The following APBB2 variants were observed in gnomAD, a reference collection of about 807,000 sequenced individuals.
APBB2 encodes amyloid beta precursor protein binding family B member 2.
Under a neutral mutation model 82.5 loss-of-function variants are expected in APBB2, and 38 were observed. The ratio of observed to expected loss-of-function variants is 0.46; its 90% CI spans 0.36 to 0.60. The LOEUF is 0.60. Ranked by LOEUF, APBB2 falls within the 20% of genes least tolerant of loss-of-function variation. APBB2 has a pLI of 0.00. For synonymous variants in APBB2, 341 were observed against 368.2 expected (o/e 0.93, Z 0.85); for missense variants, 772 against 972.3 (o/e 0.79, Z 2.74).
In APBB2 at chr4:40,971,177, G is replaced by A. The variant is rs115905232; in HGVS notation, c.836-26104C>T. On this transcript the variant is annotated intron_variant, in intron 6 of 17. Transcript: ENST00000508593. The stretch of plus-strand genomic sequence containing the variant: ...CTGATAAACTCCAGCAAAACATAAC[G>A]GGGGCTATTAACACGATTCTTTCTT... 2.7e-3 allele frequency among the ~76,000 whole-genome samples: 409 copies of A among 152,210 alleles called. 3 individuals are homozygous for A. The highest frequency in any genetic ancestry group is 9.4e-3 in the African/African-American group (389 of 41,542).
intron 1 of APBB2, among the ~76,000 whole-genome samples, chr4:41,159,990 G>T (rs1450445463): frequency 2.7e-5 from 4 of 147,292 alleles, no homozygotes; most frequent in Admixed American, 6.7e-5. Flanking sequence ...AGAAGAAGAA[G>T]AAGAAGAAGA....
At chr4:40,882,041 TG>T (rs1768779743) in intron 12 of APBB2, among the ~76,000 whole-genome samples, 1 of 152,092 alleles carries the variant, frequency 6.6e-6, no homozygotes, top group African/African-American at 2.4e-5. Flanking sequence ...GCTGTGTGAG[TG>T]GCTGTCTCCT....
At chr4:41,025,362 G>A (rs1353944443) in intron 5 of APBB2, among the ~76,000 whole-genome samples, 1 of 152,008 alleles carries the variant, frequency 6.6e-6, no homozygotes, top group African/African-American at 2.4e-5. Context: ...AATAATAGAT[G>A]CTGGTGAGAT....
intron 12 of APBB2, chr4:40,857,165 GGCGCCCGCGCCTCCCT>G: frequency 1.0e-6 from 1 of 985,438 alleles, no homozygotes; most frequent in Non-Finnish European, 1.2e-6. Context: ...TGAAGAGAGC[GGCGCCCGCGCCTCCCT>G]GCGCCCTCCC....
At chr4:41,108,758 G>A (rs1748137052) in intron 2 of APBB2, among the ~76,000 whole-genome samples, 1 of 152,184 alleles carries the variant, frequency 6.6e-6, no homozygotes, top group Non-Finnish European at 1.5e-5. Context: ...ACAGCCTTCA[G>A]CAGTCCCTGA....
intron 12 of APBB2, among the ~76,000 whole-genome samples, chr4:40,872,379 C>A (rs1265433198): frequency 1.3e-5 from 2 of 152,166 alleles, no homozygotes; most frequent in Admixed American, 1.3e-4. Context: ...ACAGGTGGGA[C>A]CTGCACTAAG....
intron 3 of APBB2, among the ~76,000 whole-genome samples, chr4:41,072,527 A>G (rs1465018214): frequency 2.0e-5 from 3 of 152,204 alleles, no homozygotes; most frequent in Admixed American, 2.0e-4. Context: ...ACGAAACTTA[A>G]AATACCAAGC....
intron 4 of APBB2, among the ~76,000 whole-genome samples, chr4:41,048,436 C>CAT (rs1260027801): frequency 6.6e-6 from 1 of 152,160 alleles, no homozygotes; most frequent in Admixed American, 6.5e-5. Flanking sequence ...GTTAAGACTT[C>CAT]ATATATATTA....
At chr4:41,143,904 G>A (rs1353887347) in intron 1 of APBB2, among the ~76,000 whole-genome samples, 1 of 152,208 alleles carries the variant, frequency 6.6e-6, no homozygotes, top group Non-Finnish European at 1.5e-5. Flanking sequence ...CCAAACATGT[G>A]GCCTAGCCCA....
intron 12 of APBB2, among the ~76,000 whole-genome samples, chr4:40,851,478 C>G (rs1038975870): frequency 6.6e-6 from 1 of 152,090 alleles, no homozygotes; most frequent in South Asian, 2.1e-4. Context: ...TTTCAGGTAA[C>G]CTGGCAAACA....
At chr4:41,161,696 G>T (rs1226671471) in intron 1 of APBB2, among the ~76,000 whole-genome samples, 1 of 152,200 alleles carries the variant, frequency 6.6e-6, no homozygotes, top group Non-Finnish European at 1.5e-5. Context: ...TTACTCAGGA[G>T]AGTAGGTGAA....
intron 1 of APBB2, among the ~76,000 whole-genome samples, chr4:41,196,942 T>C: frequency 6.7e-6 from 1 of 149,026 alleles, no homozygotes; most frequent in Non-Finnish European, 1.5e-5. Context: ...ACGGAGGGTG[T>C]GCTCCAGCAC....
chr4:40,849,639 C>A (rs180879604), intron 12 of APBB2, among the ~76,000 whole-genome samples: 1 of 152,252 alleles, frequency 6.6e-6, no homozygotes, highest in Non-Finnish European at 1.5e-5. Context: ...CCTCCCACCC[C>A]CTCAGAGGTA....
At chr4:41,140,416 C>G (rs893882872) in intron 2 of APBB2, among the ~76,000 whole-genome samples, 1 of 152,068 alleles carries the variant, frequency 6.6e-6, no homozygotes, top group Non-Finnish European at 1.5e-5. Flanking sequence ...TTTAATGTTC[C>G]TAAGACTTAA....
intron 4 of APBB2, among the ~76,000 whole-genome samples, chr4:41,060,989 T>C (rs182279253): frequency 6.6e-6 from 1 of 152,288 alleles, no homozygotes; most frequent in East Asian, 1.9e-4. Context: ...AGGACTCAAA[T>C]ACCAGGGTGA....
Position 41,013,816 on chromosome 4 carries a change from A to G in APBB2, c.602T>C (p.Ile201Thr), listed in dbSNP as rs1196785212. 14 of 1,614,052 alleles carry G rather than the reference A, an allele frequency of 8.7e-6. No homozygotes were observed. The East Asian group carries it at 1.1e-4, about 13-fold the overall frequency. The part of the protein sequence containing the change: ...QPVQGQASTI[I>T]GNGDLLLQKP... ...CTGCAGCAGCAAATCGCCATTCCCAATGATGGTGGAGGCCTGGCCCTGGAC... is the reference window on the plus strand; with the variant it reads ...CTGCAGCAGCAAATCGCCATTCCCAGTGATGGTGGAGGCCTGGCCCTGGAC... The change falls in exon 6 of 18, where the codon ATT becomes ACT. Residue 201 changes from isoleucine (I) to threonine (T), a missense_variant. By Grantham distance (89) the Ile-to-Thr change is moderately conservative (BLOSUM62 -1). Transcript: ENST00000508593.
At chr4:41,083,260 A>C (rs1738333302) in intron 3 of APBB2, among the ~76,000 whole-genome samples, 1 of 152,222 alleles carries the variant, frequency 6.6e-6, no homozygotes, top group East Asian at 1.9e-4. Flanking sequence ...AGTAGTATGT[A>C]TGCTATAGCT....
At chr4:40,995,369 T>C (rs1304036797) in intron 6 of APBB2, among the ~76,000 whole-genome samples, 2 of 152,044 alleles carry the variant, frequency 1.3e-5, no homozygotes, top group South Asian at 4.2e-4. Context: ...AATAAGTCCA[T>C]CCGTCAGAAA....
At chr4:40,817,313 C>T (rs7699758) in intron 17 of APBB2, among the ~76,000 whole-genome samples, 4 of 152,040 alleles carry the variant, frequency 2.6e-5, no homozygotes, top group East Asian at 3.9e-4. Flanking sequence ...GAGGCTGAGG[C>T]GGGAGGATTG....
Sources: allele counts gnomAD v4.1 joint callset (sites outside exome capture counted in the v4.1 genomes callset), GRCh38; gene constraint gnomAD v4.1.1; transcripts MANE v1.5; gene names NCBI Gene and HGNC (gene_info 2026-07-23, HGNC 2026-07-21).